The following ACACA variants were observed in gnomAD, a reference collection of about 807,000 sequenced individuals.
ACACA encodes acetyl-CoA carboxylase 1.
ACACA carries 103 observed loss-of-function variants against 296.1 expected under a neutral mutation model. The ratio of observed to expected loss-of-function variants is 0.35; its 90% CI spans 0.30 to 0.41. The LOEUF (loss-of-function observed/expected upper bound fraction) is 0.41. ACACA is among the 10% of genes least tolerant of loss of function. The probability of loss-of-function intolerance (pLI) is 1.00; values close to 1 mark genes in which losing one functional copy is unlikely to be tolerated. For missense variants in ACACA, 1,554 were observed against 2,989.7 expected (o/e 0.52, Z 11.20); for synonymous variants, 953 against 1,038.6 (o/e 0.92, Z 1.58).
chr17:37,400,009 C>T (rs2051226162), intron 1 of ACACA, among the ~76,000 whole-genome samples: 1 of 152,088 alleles, frequency 6.6e-6, no homozygotes, highest in Non-Finnish European at 1.5e-5. Context: ...TTAACAAATC[C>T]ATTACCTCAA....
At chr17:37,284,324 C>A (rs1458149832) in intron 4 of ACACA, among the ~76,000 whole-genome samples, 1 of 152,308 alleles carries the variant, frequency 6.6e-6, no homozygotes, top group South Asian at 2.1e-4. Context: ...TCTCTCTACT[C>A]CCTTAGCTTT....
intron 7 of ACACA, 82 bp from the exon 8 acceptor site, chr17:37,276,131 T>A: frequency 1.0e-6 from 1 of 998,628 alleles, no homozygotes; most frequent in Non-Finnish European, 1.6e-6. Context: ...GTATTATAGC[T>A]ATTTATGTAT....
intron 13 of ACACA, 30 bp downstream of exon 13, chr17:37,258,182 G>A (rs769365612): frequency 1.9e-6 from 3 of 1,609,176 alleles, no homozygotes; most frequent in Non-Finnish European, 2.6e-6. Flanking sequence ...TCATTAAAAG[G>A]AGGTATAAAC....
chr17:37,345,925 T>G (rs2048592077), intron 1 of ACACA, among the ~76,000 whole-genome samples: 1 of 152,048 alleles, frequency 6.6e-6, no homozygotes, highest in African/African-American at 2.4e-5. Context: ...AAAGAAAAGC[T>G]ACAGAAGGCC....
Position 37,087,388 on chromosome 17 carries a change from C to G in ACACA, c.7080G>C (p.Thr2360=), listed in dbSNP as rs137883990. Residue 2360 remains threonine, a synonymous_variant, in exon 56 of 56, where the codon ACG becomes ACC. Coordinates refer to ENST00000616317, the MANE Select transcript of ACACA (RefSeq NM_198834.3). ...CTCGCTGAGTGGGTGATATGTGCTG[C>G]GTCATATGGATGATGGAATCCATGG... The part of the protein sequence containing the change: ...EVAMDSIIHM[T]QHISPTQRAE... The G allele has an allele frequency of 1.4e-5, 23 of 1,613,822 alleles. No individual in the cohort carries two copies. The Admixed American group carries it at 3.8e-4, about 27-fold the overall frequency.
At chr17:37,122,711 T>C in intron 48 of ACACA, 84 bp from the exon 49 acceptor site, 3 of 1,184,812 alleles carry the variant, frequency 2.5e-6, no homozygotes, top group South Asian at 2.4e-5. Flanking sequence ...AATCAAGACA[T>C]TGGGGAAAAA....
intron 1 of ACACA, among the ~76,000 whole-genome samples, chr17:37,385,713 T>C (rs1478922698): frequency 6.6e-6 from 1 of 152,144 alleles, no homozygotes; most frequent in East Asian, 1.9e-4. Context: ...CCTTCATCTT[T>C]ATTATTATTA....
intron 3 of ACACA, among the ~76,000 whole-genome samples, chr17:37,320,489 C>T (rs964524125): frequency 1.1e-4 from 16 of 150,602 alleles, no homozygotes; most frequent in African/African-American, 3.4e-4. Flanking sequence ...CCAGCCTGGG[C>T]GACAGAGCGA....
intron 10 of ACACA, among the ~76,000 whole-genome samples, chr17:37,268,729 C>CTATATATATA (rs1212218965): frequency 1.8e-4 from 20 of 111,034 alleles, no homozygotes; most frequent in African/African-American, 7.8e-4. Context: ...ATCTATCTAT[C>CTATATATATA]TATCTATCTA....
chr17:37,390,330 A>ATCTATATATCTATATATC lies in ACACA; in HGVS notation c.38+15931_38+15932insGATATATAGATATATAGA, dbSNP rs1555672372. On this transcript the variant is annotated intron_variant, in intron 1 of 55. Coordinates refer to ENST00000616317, the MANE Select transcript of ACACA (RefSeq NM_198834.3). ...TATATATATATATATATATATATAT[A>ATCTATATATCTATATATC]TATAAAAGGCCAGCTGGGCCGGGCA... Among the ~76,000 whole-genome samples, 314 of 41,582 alleles carry ATCTATATATCTATATATC rather than the reference A, an allele frequency of 7.6e-3. 34 individuals are homozygous for ATCTATATATCTATATATC. Among genetic ancestry groups the ATCTATATATCTATATATC allele is most frequent in the East Asian group, 0.041 (25 of 610 alleles). The allele number at this position is 41,582 out of a possible 152,430, so 27.3% of individuals were successfully genotyped here.
intron 35 of ACACA, among the ~76,000 whole-genome samples, chr17:37,199,803 T>C (rs2078164140): frequency 6.9e-6 from 1 of 144,392 alleles, no homozygotes; most frequent in South Asian, 2.3e-4. Flanking sequence ...CTCAGAGATA[T>C]ATTGAGAATT....
intron 10 of ACACA, among the ~76,000 whole-genome samples, chr17:37,264,635 G>T (rs937689056): frequency 2.0e-5 from 3 of 152,144 alleles, no homozygotes; most frequent in African/African-American, 7.2e-5. Context: ...TCTGTTCAAA[G>T]AAATTCTTAG....
At chr17:37,214,156 A>T (rs1272161846) in intron 29 of ACACA, among the ~76,000 whole-genome samples, 1 of 152,326 alleles carries the variant, frequency 6.6e-6, no homozygotes, top group East Asian at 1.9e-4. Flanking sequence ...AGCCACTAAC[A>T]GCAGTACCAT....
At chr17:37,180,631 T>C (rs1225768948) in intron 40 of ACACA, among the ~76,000 whole-genome samples, 2 of 152,192 alleles carry the variant, frequency 1.3e-5, no homozygotes, top group Non-Finnish European at 2.9e-5. Flanking sequence ...TTGAAAGAAT[T>C]TGTTTTCATA....
At chr17:37,405,919 G>A (rs1403336925) in intron 1 of ACACA, among the ~76,000 whole-genome samples, 1 of 149,952 alleles carries the variant, frequency 6.7e-6, no homozygotes, top group Non-Finnish European at 1.5e-5. Context: ...GAATGAAAGG[G>A]TTCACACAGG....
At chr17:37,148,527 T>A (rs1315910505) in intron 45 of ACACA, among the ~76,000 whole-genome samples, 1 of 152,220 alleles carries the variant, frequency 6.6e-6, no homozygotes, top group Non-Finnish European at 1.5e-5. Flanking sequence ...AACTTTTTCC[T>A]AAATGGGAAT....
chr17:37,233,202 T>C (rs538529550), intron 25 of ACACA, among the ~76,000 whole-genome samples: 6 of 152,178 alleles, frequency 3.9e-5, no homozygotes, highest in East Asian at 3.9e-4. Flanking sequence ...CTGAAGAAAA[T>C]TGAAGGCCTG....
intron 1 of ACACA, among the ~76,000 whole-genome samples, chr17:37,353,642 A>AG (rs2049005632): frequency 6.7e-6 from 1 of 149,060 alleles, no homozygotes. Flanking sequence ...CCGTCTAAAA[A>AG]AAAAAAAAAA....
intron 29 of ACACA, among the ~76,000 whole-genome samples, chr17:37,216,212 A>G (rs962964367): frequency 0.056 from 7,868 of 140,766 alleles, 647 homozygotes; most frequent in African/African-American, 0.2. Context: ...GTGTGTGTAT[A>G]TATATATATA....
Sources: gnomAD v4.1 joint callset for allele counts (sites outside exome capture counted in the v4.1 genomes callset) on GRCh38, gnomAD v4.1.1 for gene constraint, MANE v1.5 for transcripts, NCBI Gene and HGNC (gene_info 2026-07-23, HGNC 2026-07-21) for gene names.